The following HAL variants were observed in gnomAD, a reference collection of about 807,000 sequenced individuals.
The protein encoded by HAL is histidase.
In HAL, 85 loss-of-function variants were observed where a neutral mutation model predicts 81.1. The observed-to-expected ratio is 1.05, with a 90% CI of 0.88 to 1.25. The LOEUF (loss-of-function observed/expected upper bound fraction) is 1.25. Ranked by LOEUF, HAL falls within the 50% of genes most tolerant of loss-of-function variation. The pLI is 0.00. For synonymous variants in HAL, 301 were observed against 309.2 expected (o/e 0.97, Z 0.28); for missense variants, 798 against 836.6 (o/e 0.95, Z 0.57).
chr12:95,977,579 G>C (rs1248481309), intron 18 of HAL, among the ~76,000 whole-genome samples: 1 of 144,198 alleles, frequency 6.9e-6, no homozygotes, highest in Non-Finnish European at 1.5e-5. Context: ...GGAGTTCAAG[G>C]CTGCAGTGAG....
chr12:95,990,741 G>A (rs960597774), intron 9 of HAL, among the ~76,000 whole-genome samples: 3 of 152,160 alleles, frequency 2.0e-5, no homozygotes, highest in Admixed American at 6.5e-5. Flanking sequence ...AAAGAGGAGT[G>A]GGGGTGGAGA....
intron 11 of HAL, 44 bp downstream of exon 11, chr12:95,988,148 TA>T: frequency 1.1e-6 from 1 of 918,364 alleles, no homozygotes; most frequent in Non-Finnish European, 1.8e-6. Flanking sequence ...ACTGCATAAA[TA>T]AAAACTCATG....
chr12:95,992,717 G>A lies in HAL; in HGVS notation c.678C>T (p.Ser226=), dbSNP rs151012020. The A allele has an allele frequency of 1.1e-5, 17 of 1,612,846 alleles. No homozygotes were observed. Among genetic ancestry groups the A allele is most frequent in the Non-Finnish European group, 1.7e-6 (2 of 1,178,986 alleles). Residue 226 remains serine (S), a synonymous_variant, in exon 9 of 21, where the codon TCC becomes TCT. Transcript: ENST00000261208. Reference sequence around the variant, plus strand: ...CTATGACTTGTTTGAGGGTCTCCAGGGAAATGCCACTGTATCCTTTGGCTA... The same window carrying A: ...CTATGACTTGTTTGAGGGTCTCCAGAGAAATGCCACTGTATCCTTTGGCTA... ...NVLAKGYSGI[S]LETLKQVIEM... is the part of the protein sequence containing the mutation.
chr12:95,988,306 A>G (rs1343298583), intron 10 of HAL, 66 bp from the exon 11 acceptor site: 16 of 839,370 alleles, frequency 1.9e-5, no homozygotes, highest in Non-Finnish European at 2.9e-5. Flanking sequence ...CCAATATCAT[A>G]TGGAATCCAA....
At chr12:95,995,082 A>G (rs1478863768) in intron 2 of HAL, 89 bp from the exon 3 acceptor site, 1 of 960,290 alleles carries the variant, frequency 1.0e-6, no homozygotes, top group East Asian at 2.4e-5. Flanking sequence ...TCATTGGCCC[A>G]TGAATTCTAT....
intron 10 of HAL, 166 bp downstream of exon 10, chr12:95,990,227 C>T: frequency 1.4e-6 from 1 of 705,790 alleles, no homozygotes; most frequent in Admixed American, 2.0e-5. Flanking sequence ...TAACAACAGT[C>T]TTGCCTAGTC....
rs1950025500 is a variant in HAL, at chr12:95,995,681, T to C, written c.230A>G (p.Asn77Ser). Residue 77 changes from asparagine (N) to serine (S), a missense_variant, in exon 2 of 21, where the codon AAC (asparagine) becomes AGC (serine). Asn to Ser is a conservative substitution (Grantham distance 46, BLOSUM62 1). Transcript: ENST00000261208. ...CCACTCACCCACTTCCACGAACTCG[T>C]TGTTCTCTAGGGCCACCTCGAGCCG... ...EDRLEVALEN[N>S]EFVEVVIEGD... The C allele has an allele frequency of 6.2e-7, 1 of 1,613,422 alleles. No homozygotes were observed. Among genetic ancestry groups the C allele is most frequent in the Non-Finnish European group, 8.5e-7 (1 of 1,179,986 alleles).
At position 95,976,498 on chromosome 12, in the gene HAL, C is replaced by A. The variant is rs759128429; in HGVS notation, c.1764G>T (p.Arg588Ser). Residue 588 changes from arginine to serine, a missense_variant and splice_region_variant, in exon 20 of 21, where the codon AGG becomes AGT. By Grantham distance (110) the Arg-to-Ser change is moderately radical. Coordinates refer to ENST00000261208, the MANE Select transcript of HAL (RefSeq NM_002108.4). ...KVYDLVRSVV[R>S]PWIKDRFMAP... Reference sequence around the variant, plus strand: ...CCATGAAGCGATCTTTTATCCAGGGCCTACAGGGAGAGCACATCCGCCCAT... The same window carrying A: ...CCATGAAGCGATCTTTTATCCAGGGACTACAGGGAGAGCACATCCGCCCAT... The A allele has an allele frequency of 6.2e-7, 1 of 1,614,008 alleles. No individual in the cohort carries two copies. Among genetic ancestry groups the A allele is most frequent in the Non-Finnish European group, 8.5e-7 (1 of 1,179,858 alleles).
At chr12:95,984,977 A>G (rs565322563) in intron 14 of HAL, among the ~76,000 whole-genome samples, 1 of 152,234 alleles carries the variant, frequency 6.6e-6, no homozygotes, top group African/African-American at 2.4e-5. Flanking sequence ...GTTTATTGAG[A>G]TGACTGGCTC....
At chr12:95,985,034 T>C (rs1949863664) in intron 14 of HAL, among the ~76,000 whole-genome samples, 2 of 152,214 alleles carry the variant, frequency 1.3e-5, no homozygotes. Context: ...AGATGCCTAA[T>C]GCCAACCCAG....
intron 15 of HAL, chr12:95,983,608 C>G (rs1949838836): frequency 2.3e-6 from 1 of 429,234 alleles, no homozygotes; most frequent in Non-Finnish European, 4.3e-6. Context: ...GTTTTAGGGC[C>G]AGTGTCTTCA....
chr12:95,978,156 G>T, intron 17 of HAL, 78 bp from the exon 18 acceptor site: 1 of 1,093,282 alleles, frequency 9.1e-7, no homozygotes, highest in Non-Finnish European at 1.4e-6. Flanking sequence ...TCCACAGAGT[G>T]CTCCACAGCA....
At chr12:95,983,244 C>G (rs1456837468) in intron 15 of HAL, among the ~76,000 whole-genome samples, 1 of 152,078 alleles carries the variant, frequency 6.6e-6, no homozygotes, top group African/African-American at 2.4e-5. Flanking sequence ...AAATATTAGC[C>G]AGGCCTGCTG....
intron 14 of HAL, among the ~76,000 whole-genome samples, chr12:95,984,502 T>C (rs1195651699): frequency 6.6e-6 from 1 of 152,246 alleles, no homozygotes; most frequent in Non-Finnish European, 1.5e-5. Flanking sequence ...CATTAGAAGA[T>C]GCTCACACAT....
intron 15 of HAL, among the ~76,000 whole-genome samples, chr12:95,983,483 C>T (rs1389609353): frequency 6.6e-6 from 1 of 152,226 alleles, no homozygotes; most frequent in Non-Finnish European, 1.5e-5. Flanking sequence ...CTGACCTCTG[C>T]ATAATGCAAA....
At position 95,974,088 on chromosome 12, in the gene HAL, A is replaced by G. The variant is rs182389432; in HGVS notation, c.*144T>C. ...ATTTAGCAACTATAATACTGCCATC[A>G]GCCTAACCAACGTAGGCTTTAGAAG... is the stretch of plus-strand genomic sequence containing the variant. On this transcript the variant is annotated 3_prime_UTR_variant, in exon 21 of 21. Coordinates refer to ENST00000261208, the MANE Select transcript of HAL (RefSeq NM_002108.4). 1.3e-6 allele frequency: 1 copy of G among 798,052 alleles called. No homozygotes were observed. The highest frequency in any genetic ancestry group is 2.2e-6 in the Non-Finnish European group (1 of 447,632). The allele number at this position is 798,052 out of a possible 1,614,324, so 49.4% of individuals were successfully genotyped here. A position where few individuals can be genotyped will look rare whatever the true frequency, so the allele number is the denominator to read the frequency against.
rs558665370 is a variant in HAL at position 95,986,665 on chromosome 12, G to A, written c.1051+402C>T. 2.6e-5 allele frequency among the ~76,000 whole-genome samples: 4 copies of A among 152,156 alleles called. No homozygotes were observed. The South Asian group carries it at 8.3e-4, about 32-fold the overall frequency. ...TTTTTCATATTATAGTTGGGAGGTC[G>A]TCAAAATTCACTACTTTCTAAATAA... On this transcript the variant is annotated intron_variant, in intron 12 of 20. Coordinates refer to ENST00000261208, the MANE Select transcript of HAL (RefSeq NM_002108.4).
intron 18 of HAL, among the ~76,000 whole-genome samples, chr12:95,977,660 A>AAAG (rs1428660803): frequency 1.3e-5 from 2 of 150,840 alleles, no homozygotes; most frequent in Non-Finnish European, 3.0e-5. Context: ...AAAAAAAAAA[A>AAAG]AGAGAAAAAA....
intron 15 of HAL, among the ~76,000 whole-genome samples, chr12:95,981,700 T>A (rs780075100): frequency 1.3e-5 from 2 of 152,222 alleles, no homozygotes; most frequent in Non-Finnish European, 2.9e-5. Context: ...CCTCAAGTGA[T>A]CAGCCCACCT....
Sources: gnomAD v4.1 joint callset for allele counts (sites outside exome capture counted in the v4.1 genomes callset) on GRCh38, gnomAD v4.1.1 for gene constraint, MANE v1.5 for transcripts, NCBI Gene and HGNC (gene_info 2026-07-23, HGNC 2026-07-21) for gene names.